The following ZBTB7C variants were observed in gnomAD, a reference collection of about 807,000 sequenced individuals.
The protein encoded by ZBTB7C is zinc finger and BTB domain containing 7C, also known as zinc finger and BTB domain-containing protein 7C.
ZBTB7C carries 8 observed loss-of-function variants against 25.7 expected under a neutral mutation model. That is an observed-to-expected ratio of 0.31 (90% confidence interval 0.18 to 0.56). ZBTB7C has a LOEUF of 0.56. Among genes scored for constraint, ZBTB7C ranks in the 20% least tolerant of loss-of-function variants. ZBTB7C has a pLI of 0.91. For missense variants in ZBTB7C, 824 were observed against 855.2 expected, an observed-to-expected ratio of 0.96 and a Z score of 0.46; for synonymous variants, 394 against 369.0, an observed-to-expected ratio of 1.07 and a Z score of -0.78.
At chr18:48,205,227 C>G (rs925268471) in intron 2 of ZBTB7C, among the ~76,000 whole-genome samples, 2 of 152,098 alleles carry the variant, frequency 1.3e-5, no homozygotes, top group Non-Finnish European at 2.9e-5. Flanking sequence ...ATAAATGAAT[C>G]TAGCAAGGCT....
intron 3 of ZBTB7C, among the ~76,000 whole-genome samples, chr18:48,122,002 G>A (rs1376519744): frequency 5.3e-5 from 8 of 152,312 alleles, no homozygotes; most frequent in African/African-American, 1.9e-4. Context: ...TGCAGTCCCT[G>A]GTGACTTACA....
At chr18:48,102,653 G>A (rs1236149935) in intron 3 of ZBTB7C, among the ~76,000 whole-genome samples, 5 of 151,790 alleles carry the variant, frequency 3.3e-5, no homozygotes, top group African/African-American at 1.2e-4. Context: ...GTAACCCATG[G>A]TAACTATTTT....
At chr18:48,400,604 C>T (rs1474589860) in intron 1 of ZBTB7C, among the ~76,000 whole-genome samples, 2 of 152,158 alleles carry the variant, frequency 1.3e-5, no homozygotes, top group African/African-American at 4.8e-5. Flanking sequence ...GGGTGGCCCC[C>T]GCAACCTGTG....
rs200522106 is a variant in ZBTB7C at position 48,189,421 on chromosome 18, G to GA, written c.-78-3427dup. ...CAAAAATAATGTTAGAAGTAAAAAA[G>GA]AAAAAAAAAATCCAGGCTTTGGAGA... On this transcript the variant is annotated intron_variant, in intron 2 of 4. Transcript: ENST00000590800. Among the ~76,000 whole-genome samples, 1,014 of 148,956 alleles carry GA rather than the reference G, an allele frequency of 6.8e-3. 15 individuals are homozygous for GA. The highest frequency in any genetic ancestry group is 0.023 in the African/African-American group (929 of 40,596).
At chr18:48,401,730 C>T (rs185787010) in intron 1 of ZBTB7C, among the ~76,000 whole-genome samples, 62 of 152,108 alleles carry the variant, frequency 4.1e-4, no homozygotes, top group Non-Finnish European at 7.9e-4. Context: ...GCAGCACCCC[C>T]GGTCCCAGTC....
intron 1 of ZBTB7C, among the ~76,000 whole-genome samples, chr18:48,348,400 C>T (rs555587704): frequency 6.6e-6 from 1 of 152,230 alleles, no homozygotes; most frequent in African/African-American, 2.4e-5. Flanking sequence ...CCTCACCTAC[C>T]TCATTCCAAA....
chr18:48,251,449 C>T (rs1361134662), intron 2 of ZBTB7C, among the ~76,000 whole-genome samples: 1 of 152,136 alleles, frequency 6.6e-6, no homozygotes, highest in African/African-American at 2.4e-5. Context: ...GTAAGGATTT[C>T]CTTTTAACAA....
chr18:48,307,250 T>A (rs2045697959), intron 2 of ZBTB7C, among the ~76,000 whole-genome samples: 1 of 152,216 alleles, frequency 6.6e-6, no homozygotes, highest in Non-Finnish European at 1.5e-5. Flanking sequence ...AGGCTCCGTG[T>A]TCTACGACTC....
intron 3 of ZBTB7C, among the ~76,000 whole-genome samples, chr18:48,176,823 C>G (rs2041696167): frequency 6.6e-6 from 1 of 152,232 alleles, no homozygotes; most frequent in Non-Finnish European, 1.5e-5. Context: ...GCTTTCTTCT[C>G]TGTAGGAGTG....
intron 3 of ZBTB7C, among the ~76,000 whole-genome samples, chr18:48,180,749 T>C (rs2041896066): frequency 6.6e-6 from 1 of 152,190 alleles, no homozygotes; most frequent in Non-Finnish European, 1.5e-5. Flanking sequence ...CAGAATATCA[T>C]TCAACCTCCC....
rs191611895 is a variant in ZBTB7C, at chr18:48,337,696, G to C, written c.-79+478C>G. On this transcript the variant is annotated intron_variant, in intron 2 of 4. Transcript: ENST00000590800. ...GCAGGACTCATCCATCACCACACCT[G>C]TCATTTGACATATCTGAACCAGACC... 1.5e-3 allele frequency among the ~76,000 whole-genome samples: 231 copies of C among 152,350 alleles called. 2 individuals are homozygous for C. The highest frequency in any genetic ancestry group is 5.3e-3 in the African/African-American group (219 of 41,586).
chr18:48,375,591 A>G (rs1181716764), intron 1 of ZBTB7C: 1 of 152,196 alleles, frequency 6.6e-6, no homozygotes, highest in East Asian at 1.9e-4. Context: ...CTGTGTGTGT[A>G]CACATACACA....
intron 3 of ZBTB7C, among the ~76,000 whole-genome samples, chr18:48,112,260 C>CTTTTTTTTTTT (rs1048802422): frequency 8.3e-6 from 1 of 120,052 alleles, no homozygotes; most frequent in Non-Finnish European, 1.8e-5. Context: ...TAATTTTTTT[C>CTTTTTTTTTTT]TTTTTTTTTT....
chr18:48,032,412 G>A (rs1278272925), intron 4 of ZBTB7C, among the ~76,000 whole-genome samples: 2 of 140,966 alleles, frequency 1.4e-5, no homozygotes, highest in East Asian at 2.1e-4. Flanking sequence ...ACTGTGCCCG[G>A]ACAAGGTAGG....
chr18:48,194,263 C>T (rs376608743), intron 2 of ZBTB7C, among the ~76,000 whole-genome samples: 3 of 152,340 alleles, frequency 2.0e-5, no homozygotes, highest in Admixed American at 6.5e-5. Context: ...CACCCTACCC[C>T]CTGCCCAGAC....
chr18:48,391,057 C>T (rs768538720), intron 1 of ZBTB7C, among the ~76,000 whole-genome samples: 2 of 152,178 alleles, frequency 1.3e-5, no homozygotes, highest in Non-Finnish European at 2.9e-5. Flanking sequence ...TTAAAACCTC[C>T]AAGTTTCCAT....
intron 1 of ZBTB7C, among the ~76,000 whole-genome samples, chr18:48,383,525 CAA>C (rs1041134534): frequency 3.9e-5 from 6 of 152,178 alleles, no homozygotes; most frequent in African/African-American, 1.4e-4. Flanking sequence ...CTGAGCCTCC[CAA>C]AGTGCTGGGA....
At chr18:48,311,398 G>C (rs1049636782) in intron 2 of ZBTB7C, among the ~76,000 whole-genome samples, 1 of 152,202 alleles carries the variant, frequency 6.6e-6, no homozygotes, top group Non-Finnish European at 1.5e-5. Flanking sequence ...GAAGAAGCCA[G>C]GGTCTGTTAT....
chr18:48,096,397 C>T (rs923918707), intron 3 of ZBTB7C, among the ~76,000 whole-genome samples: 1 of 152,130 alleles, frequency 6.6e-6, no homozygotes, highest in African/African-American at 2.4e-5. Context: ...GGGCACTTAG[C>T]GGGAAAGGAA....
Sources: gnomAD v4.1 joint callset for allele counts (sites outside exome capture counted in the v4.1 genomes callset) on GRCh38, gnomAD v4.1.1 for gene constraint, MANE v1.5 for transcripts, NCBI Gene and HGNC (gene_info 2026-07-23, HGNC 2026-07-21) for gene names.